Variants in SH3TC1 observed in about 807,000 individuals in gnomAD.
SH3TC1 encodes SH3 domain and tetratricopeptide repeats 1.
In SH3TC1, 135 loss-of-function variants were observed where a neutral mutation model predicts 117.3. The ratio of observed to expected loss-of-function variants is 1.15; its 90% CI spans 1.00 to 1.33. The LOEUF (loss-of-function observed/expected upper bound fraction) is 1.33, where lower values mean the gene tolerates loss of function less well. Ranked by LOEUF, SH3TC1 falls within the 40% of genes most tolerant of loss-of-function variation. The pLI, the probability that SH3TC1 is intolerant of heterozygous loss-of-function variation, is 0.00. For missense variants in SH3TC1, 2,092 were observed against 1,794.3 expected, an observed-to-expected ratio of 1.17 and a Z score of -3.00; for synonymous variants, 898 against 816.9, an observed-to-expected ratio of 1.10 and a Z score of -1.69.
At chr4:8,224,172 C>T (rs544615136) in intron 10 of SH3TC1, among the ~76,000 whole-genome samples, 1 of 152,318 alleles carries the variant, frequency 6.6e-6, no homozygotes, top group East Asian at 1.9e-4. Flanking sequence ...CATATCCATG[C>T]ACCCCCTCAC....
At chr4:8,237,325 T>A (rs1253960526) in intron 16 of SH3TC1, 149 bp from the exon 17 acceptor site, 1 of 631,280 alleles carries the variant, frequency 1.6e-6, no homozygotes, top group African/African-American at 1.9e-5. Context: ...GCTTTGTAGA[T>A]GGGAAAGTGA....
intron 3 of SH3TC1, 37 bp from the exon 4 acceptor site, chr4:8,212,664 G>C (rs1399097794): frequency 6.2e-7 from 1 of 1,612,308 alleles, no homozygotes; most frequent in Non-Finnish European, 8.5e-7. Flanking sequence ...CCCAGCCCAG[G>C]TCAGACCAAC....
At chr4:8,239,284 T>A (rs536651275) in intron 17 of SH3TC1, among the ~76,000 whole-genome samples, 88 of 142,996 alleles carry the variant, frequency 6.2e-4, no homozygotes, top group African/African-American at 2.4e-3. Flanking sequence ...TGCACACACA[T>A]GGACATGCAC....
rs1718513194 is a variant in SH3TC1, at chr4:8,209,986, C to T, written c.247+164C>T. On this transcript the variant is annotated intron_variant, in intron 3 of 17. Coordinates refer to ENST00000245105, the MANE Select transcript of SH3TC1 (RefSeq NM_018986.5). The surrounding 1 kb of genome is among the most constrained non-coding windows in gnomAD (Gnocchi z 5.9). ...AGAAGGGTTTGTTAAATGCGCATGC[C>T]CAGGTCCTGCACCCAGAGGGGGACA... is the stretch of plus-strand genomic sequence containing the variant. Among the ~76,000 whole-genome samples the T allele has an allele frequency of 6.6e-6, 1 of 152,188 alleles. No homozygotes were observed. The highest frequency in any genetic ancestry group is 1.5e-5 in the Non-Finnish European group (1 of 68,020).
At chr4:8,200,395 G>A (rs955190953) in intron 1 of SH3TC1, among the ~76,000 whole-genome samples, 4 of 152,192 alleles carry the variant, frequency 2.6e-5, no homozygotes, top group African/African-American at 7.2e-5. Context: ...CAGAGTCACC[G>A]CAGCTGATGG....
chr4:8,209,707 T>A lies in SH3TC1; in HGVS notation c.173-41T>A. ...GGCGCCTTCAGAGGAGCCAGGCCTT[T>A]GCTTGGTCTCCCCTAATCCTGGGAA... On this transcript the variant is annotated intron_variant, in intron 2 of 17. Transcript: ENST00000245105. This position sits in a 1 kb window ranked among gnomAD's most constrained non-coding sequence, Gnocchi z 5.9. 1 of 1,612,768 alleles carries A rather than the reference T, an allele frequency of 6.2e-7. No individual in the cohort carries two copies.
chr4:8,228,174 A>G lies in SH3TC1; in HGVS notation c.2480A>G (p.His827Arg). The G allele has an allele frequency of 6.2e-7, 1 of 1,611,354 alleles. No individual in the cohort carries two copies. The highest frequency in any genetic ancestry group is 2.2e-5 in the East Asian group (1 of 44,834). ...AIAGVRAIVD[H>R]LVALAWLHVL... ...GCCGGAGTCCGTGCCATCGTGGACCACCTGGTGGCCCTGGCCTGGCTGCAC... is the reference window on the plus strand; with the variant it reads ...GCCGGAGTCCGTGCCATCGTGGACCGCCTGGTGGCCCTGGCCTGGCTGCAC... The change falls in exon 12 of 18, where the codon CAC becomes CGC. Residue 827 changes from histidine (H) to arginine (R), a missense_variant. Physicochemically the swap from His to Arg is conservative, Grantham distance 29. Coordinates refer to ENST00000245105, the MANE Select transcript of SH3TC1 (RefSeq NM_018986.5).
Position 8,228,121 on chromosome 4 carries a change from G to A in SH3TC1, c.2427G>A (p.Met809Ile), listed in dbSNP as rs770726954. 67 of 1,612,046 alleles carry A rather than the reference G, an allele frequency of 4.2e-5. No individual in the cohort carries two copies. The highest frequency in any genetic ancestry group is 3.2e-4 in the Admixed American group (19 of 59,942). The change falls in exon 12 of 18, where the codon ATG becomes ATA. Residue 809 changes from methionine to isoleucine, a missense_variant. Met to Ile is a conservative substitution (Grantham distance 10). Coordinates refer to ENST00000245105, the MANE Select transcript of SH3TC1 (RefSeq NM_018986.5). Reference protein sequence around the residue: ...HGCHGPAITFMTQAVEASAIA... With the variant: ...HGCHGPAITFITQAVEASAIA... ...GCCACGGCCCGGCCATCACCTTCAT[G>A]ACGCAGGCAGTGGAAGCCAGTGCTA...
intron 1 of SH3TC1, among the ~76,000 whole-genome samples, chr4:8,200,253 G>A (rs530891921): frequency 6.6e-6 from 1 of 152,374 alleles, no homozygotes; most frequent in South Asian, 2.1e-4. Flanking sequence ...GCGGGGCTGC[G>A]GCTGAGCTTG....
rs776227590 is a variant in SH3TC1, at chr4:8,228,633, G to A, written c.2939G>A (p.Gly980Asp). The A allele has an allele frequency of 3.3e-6, 5 of 1,505,776 alleles. No homozygotes were observed. Among genetic ancestry groups the A allele is most frequent in the East Asian group, 4.7e-5 (2 of 42,572 alleles). The allele number at this position is 1,505,776 out of a possible 1,614,324, so 93.3% of individuals were successfully genotyped here. A position where few individuals can be genotyped will look rare whatever the true frequency, so the allele number is the denominator to read the frequency against. The change falls in exon 12 of 18, where the codon GGC (glycine) becomes GAC (aspartate). Residue 980 changes from glycine (G) to aspartate (D), a missense_variant. Coordinates refer to ENST00000245105, the MANE Select transcript of SH3TC1 (RefSeq NM_018986.5). ...EWALLVAVEM[G>D]HVESQLRAVQ... is the part of the protein sequence containing the mutation. ...GCCCTTCTGGTCGCCGTGGAGATGG[G>A]CCACGTGGAGAGTGAGTGCCCCAGT... is the stretch of plus-strand genomic sequence containing the variant.
chr4:8,202,102 A>G (rs1016818824), intron 1 of SH3TC1, among the ~76,000 whole-genome samples: 1 of 152,166 alleles, frequency 6.6e-6, no homozygotes, highest in Non-Finnish European at 1.5e-5. Context: ...AGATGGGAAG[A>G]CAGCCTGGCC....
intron 5 of SH3TC1, among the ~76,000 whole-genome samples, chr4:8,215,853 G>T (rs539620374): frequency 1.3e-5 from 2 of 152,246 alleles, no homozygotes; most frequent in African/African-American, 4.8e-5. Context: ...ATATGGAGGC[G>T]TGGAGAGGTC....
intron 10 of SH3TC1, among the ~76,000 whole-genome samples, chr4:8,224,173 AC>A (rs1228424055): frequency 2.6e-5 from 4 of 152,114 alleles, no homozygotes; most frequent in African/African-American, 9.6e-5. Context: ...ATATCCATGC[AC>A]CCCCTCACAC....
intron 17 of SH3TC1, among the ~76,000 whole-genome samples, chr4:8,239,479 TAGGCACACAC>T (rs1294461645): frequency 2.5e-5 from 3 of 121,014 alleles, no homozygotes; most frequent in Non-Finnish European, 3.4e-5. Flanking sequence ...TATGCACACA[TAGGCACACAC>T]AGGCACACGC....
chr4:8,196,390 G>A (rs915588609), upstream of SH3TC1, among the ~76,000 whole-genome samples: 6 of 152,148 alleles, frequency 3.9e-5, no homozygotes, highest in African/African-American at 1.4e-4. The surrounding 1 kb of genome is among the most constrained non-coding windows in gnomAD (Gnocchi z 4.6). Context: ...CGTGGGGAGA[G>A]GAAGACCTGG....
chr4:8,232,674 G>A lies in SH3TC1; in HGVS notation c.3131+518G>A, dbSNP rs1006566582. The A allele has an allele frequency of 2.3e-6, 3 of 1,291,610 alleles. No individual in the cohort carries two copies. The African/African-American group carries it at 4.5e-5, about 20-fold the overall frequency. 80.0% of individuals were successfully genotyped at this position (1,291,610 alleles called of 1,614,324 possible). On this transcript the variant is annotated intron_variant, in intron 13 of 17. Transcript: ENST00000245105. ...TCTCCTGGAGCATCCTGACCTGGTG[G>A]GGTAACCATGGCCCTGGCCACCCCA...
chr4:8,234,167 T>TCATC (rs796119480), intron 14 of SH3TC1, among the ~76,000 whole-genome samples: 1 of 69,414 alleles, frequency 1.4e-5, no homozygotes, highest in Non-Finnish European at 4.0e-5. Flanking sequence ...CATCCTTCCA[T>TCATC]CATCCATCCA....
At chr4:8,234,218 T>A (rs112952107) in intron 14 of SH3TC1, among the ~76,000 whole-genome samples, 2 of 148,682 alleles carry the variant, frequency 1.3e-5, no homozygotes, top group African/African-American at 5.0e-5. Context: ...TCCACCATCC[T>A]TCCATCATCC....
chr4:8,208,744 C>A (rs1718409955), intron 2 of SH3TC1, among the ~76,000 whole-genome samples: 1 of 152,220 alleles, frequency 6.6e-6, no homozygotes, highest in Admixed American at 6.5e-5. Context: ...TGGGCTCTGG[C>A]CACACCGGGC....
Sources: allele counts gnomAD v4.1 joint callset (sites outside exome capture counted in the v4.1 genomes callset), GRCh38; gene constraint gnomAD v4.1.1; non-coding constraint Gnocchi (gnomAD v3.1); transcripts MANE v1.5; gene names NCBI Gene and HGNC (gene_info 2026-07-23, HGNC 2026-07-21).